Variants in SLC22A25 observed in about 807,000 individuals in gnomAD.
SLC22A25 encodes MGI:2442751, MGI:2385316, MGI:3042283, MGI:3645714, MGI:3605624, MGI:2442750.
Under a neutral mutation model 45.9 loss-of-function variants are expected in SLC22A25, and 44 were observed. The observed-to-expected ratio is 0.96, with a 90% confidence interval of 0.75 to 1.23. SLC22A25 has a LOEUF of 1.23. Among genes scored for constraint, SLC22A25 ranks in the 50% most tolerant of loss-of-function variants. SLC22A25 has a pLI of 0.00. For missense variants in SLC22A25, 800 were observed against 666.4 expected (o/e 1.20, Z -2.21); for synonymous variants, 283 against 238.6 (o/e 1.19, Z -1.72).
Position 63,180,658 on chromosome 11 carries a change from A to G in SLC22A25, c.1070+2T>C, listed in dbSNP as rs149039863. 2.0e-5 allele frequency: 32 copies of G among 1,603,602 alleles called. No individual in the cohort carries two copies. The African/African-American group carries it at 4.3e-4, about 21-fold the overall frequency. On this transcript the variant is annotated splice_donor_variant, in intron 9 of 11. Coordinates refer to ENST00000306494, the MANE Select transcript of SLC22A25 (RefSeq NM_199352.6). LOFTEE classifies it high-confidence loss of function. ...ATTCCTCACACACTGCATGAAACTTACCTCACAAAGGACAGGAAACAGATT... is the reference window on the plus strand; with the variant it reads ...ATTCCTCACACACTGCATGAAACTTGCCTCACAAAGGACAGGAAACAGATT...
At chr11:63,211,647 A>T (rs2089566200) in intron 7 of SLC22A25, among the ~76,000 whole-genome samples, 1 of 152,090 alleles carries the variant, frequency 6.6e-6, no homozygotes, top group South Asian at 2.1e-4. Context: ...CCTTCCTTAC[A>T]CCTTATACAA....
chr11:63,190,666 ATC>A lies in SLC22A25; in HGVS notation c.831-6851_831-6850del, dbSNP rs2088774060. On this transcript the variant is annotated intron_variant, in intron 7 of 11. Transcript: ENST00000306494. The stretch of plus-strand genomic sequence containing the variant: ...GTTTTTTTTACTCTGTTTTTTCCCC[ATC>A]TCTGTGGTTTTATCTACCTTTGCTC... Among the ~76,000 whole-genome samples the A allele has an allele frequency of 4.7e-5, 7 of 148,274 alleles. No individual in the cohort carries two copies. In the South Asian group the frequency reaches 1.6e-3, roughly 34 times the overall value.
At chr11:63,197,094 C>T (rs543307649) in intron 7 of SLC22A25, among the ~76,000 whole-genome samples, 25 of 152,038 alleles carry the variant, frequency 1.6e-4, no homozygotes, top group Admixed American at 1.0e-3. Context: ...CACTACTCAA[C>T]GAAATAAAAG....
intron 7 of SLC22A25, among the ~76,000 whole-genome samples, chr11:63,190,488 C>T (rs944967741): frequency 4.6e-5 from 7 of 152,016 alleles, no homozygotes; most frequent in South Asian, 2.1e-4. Flanking sequence ...GCCATGAGTT[C>T]GAACTTCCTT....
intron 7 of SLC22A25, among the ~76,000 whole-genome samples, chr11:63,201,445 G>T (rs192325492): frequency 1.0e-3 from 154 of 152,272 alleles, no homozygotes; most frequent in Non-Finnish European, 2.0e-3. Flanking sequence ...TATGATAACT[G>T]GCTAGACATA....
At chr11:63,228,131 T>C (rs973184951) in intron 5 of SLC22A25, among the ~76,000 whole-genome samples, 4 of 152,040 alleles carry the variant, frequency 2.6e-5, no homozygotes, top group African/African-American at 9.7e-5. Context: ...GTGTAGATAG[T>C]TTTCAAGTTT....
chr11:63,206,861 T>C (rs1387452093), intron 7 of SLC22A25, among the ~76,000 whole-genome samples: 1 of 152,316 alleles, frequency 6.6e-6, no homozygotes, highest in East Asian at 1.9e-4. Context: ...GGAGGCATCA[T>C]GTTACCTGAC....
At chr11:63,172,474 A>T (rs1359986617) in intron 9 of SLC22A25, among the ~76,000 whole-genome samples, 1 of 152,202 alleles carries the variant, frequency 6.6e-6, no homozygotes, top group African/African-American at 2.4e-5. Context: ...AAAGTGGGCA[A>T]ATGATGTGAA....
At position 63,163,876 on chromosome 11, in the gene SLC22A25, T is replaced by C. The variant is rs2087584168; in HGVS notation, c.1592A>G (p.Glu531Gly). ...QPLLDSIQDV[E>G]NEGVNSLAAP... ...AGCTAGGCTATTTACTCCCTCATTT[T>C]CCACATCCTGGATGCTGTCAAGAAG... The change falls in exon 12 of 12, where the codon GAA (glutamate) becomes GGA (glycine). Residue 531 changes from glutamate (E) to glycine (G), a missense_variant. Physicochemically the swap from Glu to Gly is moderately conservative, Grantham distance 98. Transcript: ENST00000306494. 2 of 1,613,918 alleles carry C rather than the reference T, an allele frequency of 1.2e-6. No individual in the cohort carries two copies. The highest frequency in any genetic ancestry group is 1.3e-5 in the African/African-American group (1 of 75,024).
intron 7 of SLC22A25, among the ~76,000 whole-genome samples, chr11:63,210,543 T>G (rs1000319722): frequency 3.9e-5 from 6 of 152,094 alleles, no homozygotes; most frequent in African/African-American, 1.4e-4. Flanking sequence ...AACACCCGAG[T>G]GTGGCATTCT....
In SLC22A25 at chr11:63,196,053, G is replaced by C. The variant is rs1427125831; in HGVS notation, c.831-12236C>G. 3.9e-5 allele frequency among the ~76,000 whole-genome samples: 6 copies of C among 152,072 alleles called. No individual in the cohort carries two copies. In the South Asian group the frequency reaches 8.3e-4, roughly 21 times the overall value. ...ATCCACCCTCCCAAGACTAAACCAC[G>C]AAGAAGCTGAATCCCAGAATAGACC... is the stretch of plus-strand genomic sequence containing the variant. On this transcript the variant is annotated intron_variant, in intron 7 of 11. Coordinates refer to ENST00000306494, the MANE Select transcript of SLC22A25 (RefSeq NM_199352.6).
intron 2 of SLC22A25, among the ~76,000 whole-genome samples, 151 bp downstream of exon 2, chr11:63,238,566 G>T (rs2090200874): frequency 6.6e-6 from 1 of 152,160 alleles, no homozygotes; most frequent in African/African-American, 2.4e-5. Flanking sequence ...AATGCATAGG[G>T]GTCTGGTATT....
chr11:63,193,455 G>A (rs1432045332), intron 7 of SLC22A25, among the ~76,000 whole-genome samples: 1 of 152,254 alleles, frequency 6.6e-6, no homozygotes, highest in Admixed American at 6.5e-5. Flanking sequence ...GGATCAGGAA[G>A]CAACATTTGC....
intron 9 of SLC22A25, 92 bp from the exon 10 acceptor site, chr11:63,166,350 C>A: frequency 1.3e-6 from 2 of 1,499,086 alleles, no homozygotes; most frequent in Admixed American, 2.4e-5. Flanking sequence ...GCCAAGGACT[C>A]TTTAAAGTAA....
At chr11:63,228,234 A>G (rs1374452232) in intron 5 of SLC22A25, among the ~76,000 whole-genome samples, 1 of 152,082 alleles carries the variant, frequency 6.6e-6, no homozygotes, top group African/African-American at 2.4e-5. Flanking sequence ...ATTTTGAAAC[A>G]CCCCCAGGTC....
chr11:63,240,493 TTAACC>T (rs1422403905), intron 1 of SLC22A25, among the ~76,000 whole-genome samples: 1 of 152,206 alleles, frequency 6.6e-6, no homozygotes, highest in Non-Finnish European at 1.5e-5. Flanking sequence ...CAATAATAAA[TTAACC>T]TAGGCTTACT....
rs928231310 is a variant in SLC22A25, at chr11:63,159,968, G to A, written c.*3856C>T. On this transcript the variant is annotated 3_prime_UTR_variant, in exon 12 of 12. Transcript: ENST00000306494. Reference sequence around the variant, plus strand: ...TTGAACTTGAGTAAGATGATTTAGGGTATCTGTCAGAAGAAATTTTTAAGC... The same window carrying A: ...TTGAACTTGAGTAAGATGATTTAGGATATCTGTCAGAAGAAATTTTTAAGC... Among the ~76,000 whole-genome samples the A allele has an allele frequency of 1.3e-5, 2 of 152,120 alleles. No homozygotes were observed. The highest frequency in any genetic ancestry group is 4.8e-5 in the African/African-American group (2 of 41,410).
chr11:63,177,902 G>GTATATATATAATATA (rs1215441714), intron 9 of SLC22A25, among the ~76,000 whole-genome samples: 6 of 125,276 alleles, frequency 4.8e-5, no homozygotes, highest in East Asian at 2.3e-4. Context: ...TATATATAAT[G>GTATATATATAATATA]TATATCCCAT....
intron 9 of SLC22A25, 111 bp from the exon 10 acceptor site, chr11:63,166,369 A>AGT (rs1322772057): frequency 2.9e-5 from 42 of 1,469,328 alleles, no homozygotes; most frequent in Non-Finnish European, 3.6e-5. Context: ...AAAAAGGCAG[A>AGT]GTGTGTTTTG....
Sources: allele counts gnomAD v4.1 joint callset (sites outside exome capture counted in the v4.1 genomes callset), GRCh38; gene constraint gnomAD v4.1.1; transcripts MANE v1.5; gene names NCBI Gene and HGNC (gene_info 2026-07-23, HGNC 2026-07-21).